SPATA16: variants seen among roughly 807,000 people sequenced by gnomAD.
The protein encoded by SPATA16 is spermatogenesis-associated protein 16.
SPATA16 carries 36 observed loss-of-function variants against 63.3 expected under a neutral mutation model. That is an observed-to-expected ratio of 0.57 (90% CI 0.44 to 0.75). SPATA16 has a LOEUF of 0.75. Ranked by LOEUF, SPATA16 falls within the 30% of genes least tolerant of loss-of-function variation. SPATA16 has a pLI of 0.00. For missense variants in SPATA16, 646 were observed against 679.3 expected (o/e 0.95, Z 0.54); for synonymous variants, 203 against 216.7 (o/e 0.94, Z 0.56).
intron 4 of SPATA16, among the ~76,000 whole-genome samples, chr3:173,019,232 T>C (rs1227957896): frequency 6.6e-6 from 1 of 152,200 alleles, no homozygotes; most frequent in East Asian, 1.9e-4. Flanking sequence ...TATTACTTTA[T>C]GCAAGTTTTT....
At chr3:173,088,042 CTT>C (rs1301378152) in intron 2 of SPATA16, among the ~76,000 whole-genome samples, 1 of 135,164 alleles carries the variant, frequency 7.4e-6, no homozygotes, top group East Asian at 2.2e-4. Flanking sequence ...TTCTTTCTTT[CTT>C]TCTTTCTTTC....
At chr3:172,915,434 T>A (rs529735334) in intron 9 of SPATA16, among the ~76,000 whole-genome samples, 1 of 152,122 alleles carries the variant, frequency 6.6e-6, no homozygotes, top group Non-Finnish European at 1.5e-5. Flanking sequence ...AAATTACAGG[T>A]AATCAGTTTG....
chr3:172,907,903 T>C (rs921215418), intron 10 of SPATA16, among the ~76,000 whole-genome samples: 1 of 152,130 alleles, frequency 6.6e-6, no homozygotes, highest in East Asian at 1.9e-4. Flanking sequence ...CATGTGCTAT[T>C]TTCTTTACTT....
At chr3:173,009,436 C>T (rs985808257) in intron 4 of SPATA16, among the ~76,000 whole-genome samples, 2 of 152,192 alleles carry the variant, frequency 1.3e-5, no homozygotes, top group African/African-American at 2.4e-5. Flanking sequence ...CATGGAAGAG[C>T]CCCTCTGACT....
chr3:172,965,837 A>T (rs1187670587), intron 5 of SPATA16, among the ~76,000 whole-genome samples: 1 of 152,078 alleles, frequency 6.6e-6, no homozygotes, highest in Admixed American at 6.5e-5. Flanking sequence ...AGGCCTCCCA[A>T]AGTGTTGGGA....
rs189682585 is a variant in SPATA16, at chr3:173,049,092, A to G, written c.615T>C (p.Leu205=). The change falls in exon 3 of 11, where the codon CTT becomes CTC. Residue 205 remains leucine (L), a splice_region_variant and synonymous_variant. Transcript: ENST00000351008. ...AAGQFRTALE[L]CSKGAVLGEP... is the part of the protein sequence containing the mutation. ...CTCCCAGAACTGCTCCTTTGCTGCA[A>G]AGCTTTAAAAAATATAGTACTTTCA... is the stretch of plus-strand genomic sequence containing the variant. 5.6e-6 allele frequency: 9 copies of G among 1,611,354 alleles called. No homozygotes were observed. Among genetic ancestry groups the G allele is most frequent in the Non-Finnish European group, 7.6e-6 (9 of 1,178,556 alleles).
At chr3:173,037,511 G>A (rs1367721511) in intron 3 of SPATA16, among the ~76,000 whole-genome samples, 1 of 152,024 alleles carries the variant, frequency 6.6e-6, no homozygotes, top group East Asian at 1.9e-4. Context: ...CTGTGTCAAA[G>A]TCATATTTGC....
At chr3:173,063,756 G>A (rs972708932) in intron 2 of SPATA16, among the ~76,000 whole-genome samples, 7 of 152,086 alleles carry the variant, frequency 4.6e-5, no homozygotes, top group African/African-American at 1.7e-4. Context: ...AAATGTAAGT[G>A]GGGAAAATTG....
At chr3:173,028,059 C>T (rs907410853) in intron 3 of SPATA16, among the ~76,000 whole-genome samples, 8 of 111,536 alleles carry the variant, frequency 7.2e-5, no homozygotes, top group African/African-American at 2.9e-4. Context: ...TCCTTCCTTC[C>T]TTCCTTCCTT....
At chr3:173,039,976 C>T (rs1396209199) in intron 3 of SPATA16, among the ~76,000 whole-genome samples, 1 of 152,130 alleles carries the variant, frequency 6.6e-6, no homozygotes, top group Non-Finnish European at 1.5e-5. Context: ...GATCCACCTT[C>T]AGAACATGCC....
intron 3 of SPATA16, among the ~76,000 whole-genome samples, chr3:173,024,315 A>G (rs1735403535): frequency 6.6e-6 from 1 of 151,712 alleles, no homozygotes; most frequent in Admixed American, 6.6e-5. Context: ...TTTTAGAAAA[A>G]GAATTTAGAT....
At chr3:172,979,282 C>T (rs1367727082) in intron 4 of SPATA16, among the ~76,000 whole-genome samples, 1 of 152,068 alleles carries the variant, frequency 6.6e-6, no homozygotes, top group East Asian at 1.9e-4. Context: ...TGTACATATT[C>T]CAGCCACAGT....
At chr3:172,985,312 A>G (rs1432852003) in intron 4 of SPATA16, among the ~76,000 whole-genome samples, 1 of 152,188 alleles carries the variant, frequency 6.6e-6, no homozygotes, top group Non-Finnish European at 1.5e-5. Context: ...CATTTCAGAT[A>G]TTTTTATGAA....
At chr3:173,055,721 A>G (rs961467204) in intron 2 of SPATA16, among the ~76,000 whole-genome samples, 6 of 152,224 alleles carry the variant, frequency 3.9e-5, no homozygotes, top group Non-Finnish European at 8.8e-5. Context: ...TTGCACAGAC[A>G]TAATACACAC....
intron 6 of SPATA16, among the ~76,000 whole-genome samples, chr3:172,951,206 AT>A (rs1218730323): frequency 2.6e-5 from 4 of 152,074 alleles, no homozygotes; most frequent in Non-Finnish European, 4.4e-5. Flanking sequence ...AAAATCAGTA[AT>A]TTTTTTCTCC....
chr3:173,136,035 C>A (rs1321593043), intron 1 of SPATA16, among the ~76,000 whole-genome samples: 2 of 152,206 alleles, frequency 1.3e-5, no homozygotes, highest in East Asian at 3.8e-4. Context: ...GCCCCCTACT[C>A]CCTTATCTAC....
intron 6 of SPATA16, among the ~76,000 whole-genome samples, chr3:172,955,597 TG>T (rs752732401): frequency 6.6e-6 from 1 of 152,190 alleles, no homozygotes; most frequent in Non-Finnish European, 1.5e-5. Context: ...TTTACTATTC[TG>T]TTATCACTAG....
At chr3:173,003,560 C>A (rs1734875023) in intron 4 of SPATA16, among the ~76,000 whole-genome samples, 1 of 152,164 alleles carries the variant, frequency 6.6e-6, no homozygotes, top group South Asian at 2.1e-4. Flanking sequence ...AACATAATTT[C>A]TCTGCAGAGT....
chr3:173,068,816 TA>T lies in SPATA16; in HGVS notation c.613-19723del, dbSNP rs35439377. ...AAGAGCAAACCAAACCCCAAATTAG[TA>T]AAAAAAAAAAAGGCCGGGCGTGGTG... is the stretch of plus-strand genomic sequence containing the variant. On this transcript the variant is annotated intron_variant, in intron 2 of 10. Transcript: ENST00000351008. 7.7e-4 allele frequency among the ~76,000 whole-genome samples: 110 copies of T among 142,610 alleles called. 1 individual carries two copies. Among genetic ancestry groups the T allele is most frequent in the Admixed American group, 9.1e-4 (13 of 14,330 alleles). The allele number at this position is 142,610 out of a possible 152,430, so 93.6% of individuals were successfully genotyped here.
Sources: allele counts gnomAD v4.1 joint callset (sites outside exome capture counted in the v4.1 genomes callset), GRCh38; gene constraint gnomAD v4.1.1; transcripts MANE v1.5; gene names NCBI Gene and HGNC (gene_info 2026-07-23, HGNC 2026-07-21).